CSMD1: variants seen among roughly 807,000 people sequenced by gnomAD.
CSMD1 encodes the protein CUB and sushi domain-containing protein 1.
In CSMD1, 213 loss-of-function variants were observed where a neutral mutation model predicts 417.5. The observed-to-expected ratio is 0.51, with a 90% CI of 0.46 to 0.57. CSMD1 has a LOEUF of 0.57. CSMD1 is among the 20% of genes least tolerant of loss of function. The pLI is 0.00. For synonymous variants in CSMD1, 2,862 were observed against 1,736.8 expected (o/e 1.65, Z -16.11); for missense variants, 6,923 against 4,529.7 (o/e 1.53, Z -15.17).
intron 26 of CSMD1, among the ~76,000 whole-genome samples, chr8:3,276,934 C>T (rs1254428776): frequency 1.3e-5 from 2 of 152,132 alleles, no homozygotes; most frequent in Non-Finnish European, 1.5e-5. Flanking sequence ...TGGTAACCCA[C>T]AATGGGCTAA....
intron 2 of CSMD1, among the ~76,000 whole-genome samples, chr8:4,580,442 C>A (rs1008203908): frequency 1.4e-4 from 21 of 152,220 alleles, no homozygotes; most frequent in African/African-American, 7.2e-5. Flanking sequence ...AAAACTATTG[C>A]ATCCACTTTA....
intron 3 of CSMD1, among the ~76,000 whole-genome samples, chr8:4,349,934 GC>G (rs985173959): frequency 1.3e-5 from 2 of 150,972 alleles, no homozygotes; most frequent in Admixed American, 1.3e-4. Flanking sequence ...CCTTTATACT[GC>G]CAAACTTTAA....
intron 2 of CSMD1, among the ~76,000 whole-genome samples, chr8:4,537,530 T>C (rs952877990): frequency 1.3e-5 from 2 of 152,218 alleles, no homozygotes; most frequent in African/African-American, 4.8e-5. Context: ...TAGTTTTAAT[T>C]GACTCTGATT....
chr8:3,367,343 T>C (rs926253844), intron 19 of CSMD1, 96 bp from the exon 20 acceptor site: 6 of 755,542 alleles, frequency 7.9e-6, no homozygotes, highest in Admixed American at 2.2e-5. Context: ...GACAGAGACA[T>C]AGAGATGACA....
chr8:4,032,195 A>C, intron 3 of CSMD1, 96 bp from the exon 4 acceptor site: 1 of 832,014 alleles, frequency 1.2e-6, no homozygotes, highest in Non-Finnish European at 1.8e-6. Context: ...GAATTATTAA[A>C]ATGAGAAAAC....
At chr8:4,144,450 C>T (rs977811484) in intron 3 of CSMD1, among the ~76,000 whole-genome samples, 1 of 151,198 alleles carries the variant, frequency 6.6e-6, no homozygotes, top group South Asian at 2.1e-4. Context: ...CTAGTTTCAA[C>T]TGCTCCATGA....
intron 3 of CSMD1, among the ~76,000 whole-genome samples, chr8:4,056,721 T>C (rs1444431130): frequency 6.6e-6 from 1 of 151,946 alleles, no homozygotes; most frequent in Non-Finnish European, 1.5e-5. Flanking sequence ...GTGTGTGATG[T>C]ACCCCTTCCT....
intron 5 of CSMD1, among the ~76,000 whole-genome samples, chr8:3,923,191 G>A (rs565775689): frequency 6.6e-5 from 10 of 152,232 alleles, no homozygotes; most frequent in Non-Finnish European, 1.5e-4. Flanking sequence ...GTGCACTAAT[G>A]AGTGGCTGAC....
chr8:3,580,173 G>C (rs916141087), intron 9 of CSMD1, among the ~76,000 whole-genome samples: 2 of 152,156 alleles, frequency 1.3e-5, no homozygotes, highest in African/African-American at 4.8e-5. Context: ...TGAACACTGA[G>C]GGTATGGCGG....
At position 3,772,497 on chromosome 8, in the gene CSMD1, A is replaced by T. The variant is rs372515931; in HGVS notation, c.819-18455T>A. ...TATATATACATATATACACATATAT[A>T]CATATATACACATATATACATATAT... On this transcript the variant is annotated intron_variant, in intron 5 of 69. Transcript: ENST00000635120. Among the ~76,000 whole-genome samples, 13 of 13,790 alleles carry T rather than the reference A, an allele frequency of 9.4e-4. 1 individual carries two copies. The highest frequency in any genetic ancestry group is 2.4e-3 in the Admixed American group (2 of 822). 9.0% of individuals were successfully genotyped at this position (13,790 alleles called of 152,430 possible).
At chr8:4,355,923 T>TA (rs1563087957) in intron 3 of CSMD1, among the ~76,000 whole-genome samples, 1 of 151,854 alleles carries the variant, frequency 6.6e-6, no homozygotes, top group South Asian at 2.1e-4. Context: ...TCAGCTGTTT[T>TA]TTTGTTTTGT....
intron 1 of CSMD1, among the ~76,000 whole-genome samples, chr8:4,822,468 C>T (rs111910946): frequency 1.3e-5 from 2 of 152,078 alleles, no homozygotes; most frequent in East Asian, 1.9e-4. Context: ...TGTCAGTTTA[C>T]GTGGATTGTA....
At chr8:3,270,098 G>A (rs1049273757) in intron 26 of CSMD1, among the ~76,000 whole-genome samples, 4 of 142,580 alleles carry the variant, frequency 2.8e-5, no homozygotes, top group East Asian at 2.0e-4. Context: ...TGCCCAGGGC[G>A]AAGTACAGTG....
chr8:4,469,262 G>T (rs879461212), intron 2 of CSMD1, among the ~76,000 whole-genome samples: 12 of 152,162 alleles, frequency 7.9e-5, no homozygotes, highest in Non-Finnish European at 1.8e-4. Flanking sequence ...GGGTCAGGCT[G>T]CAGCAAAGAC....
At chr8:4,272,065 C>G (rs7011321) in intron 3 of CSMD1, among the ~76,000 whole-genome samples, 3,206 of 152,176 alleles carry the variant, frequency 0.021, 129 homozygotes, top group African/African-American at 0.073. Flanking sequence ...CTGTGTAGTT[C>G]AAACCTGCAC....
At chr8:4,514,931 C>G (rs1412320426) in intron 2 of CSMD1, among the ~76,000 whole-genome samples, 1 of 152,190 alleles carries the variant, frequency 6.6e-6, no homozygotes, top group East Asian at 1.9e-4. Context: ...AATCCAGACT[C>G]ATTCATTACA....
intron 5 of CSMD1, among the ~76,000 whole-genome samples, chr8:3,909,260 G>A (rs1808300469): frequency 6.6e-6 from 1 of 152,158 alleles, no homozygotes; most frequent in Admixed American, 6.5e-5. Context: ...GACCCAAAAG[G>A]TGTCAGTGTT....
chr8:3,884,671 T>C (rs1002502383), intron 5 of CSMD1, among the ~76,000 whole-genome samples: 1 of 152,086 alleles, frequency 6.6e-6, no homozygotes, highest in Non-Finnish European at 1.5e-5. Context: ...GATATTCTTC[T>C]CTTTTAAATT....
intron 6 of CSMD1, among the ~76,000 whole-genome samples, chr8:3,744,364 G>T (rs1476792059): frequency 2.0e-5 from 3 of 152,106 alleles, no homozygotes; most frequent in African/African-American, 7.2e-5. Flanking sequence ...ACTAAACAGG[G>T]CACAGCAGGA....
Sources: allele counts gnomAD v4.1 joint callset (sites outside exome capture counted in the v4.1 genomes callset), GRCh38; gene constraint gnomAD v4.1.1; transcripts MANE v1.5; gene names NCBI Gene and HGNC (gene_info 2026-07-23, HGNC 2026-07-21).